HAUS8: variants seen among roughly 807,000 people sequenced by gnomAD.
HAUS8 encodes the protein HAUS augmin-like complex subunit 8.
In HAUS8, 38 loss-of-function variants were observed where a neutral mutation model predicts 42.9. That is an observed-to-expected ratio of 0.89 (90% CI 0.68 to 1.16). The LOEUF is 1.16. HAUS8 is among the 50% of genes most tolerant of loss of function. The pLI is 0.00. For missense variants in HAUS8, 494 were observed against 511.6 expected (o/e 0.97, Z 0.33); for synonymous variants, 199 against 205.8 (o/e 0.97, Z 0.28).
chr19:17,066,708 G>A (rs997111391), intron 3 of HAUS8, among the ~76,000 whole-genome samples: 10 of 152,132 alleles, frequency 6.6e-5, no homozygotes, highest in African/African-American at 2.4e-4. Context: ...GGGAGAATAG[G>A]AAACACAGTT....
At chr19:17,068,090 TATTTTA>T (rs1264958818) in intron 3 of HAUS8, among the ~76,000 whole-genome samples, 1 of 150,942 alleles carries the variant, frequency 6.6e-6, no homozygotes. Context: ...CCTGTTTTTT[TATTTTA>T]TTCTTTTTTT....
Position 17,055,846 on chromosome 19 carries a change from C to T in HAUS8, c.787+15G>A, listed in dbSNP as rs564132584. 49 of 1,610,326 alleles carry T rather than the reference C, an allele frequency of 3.0e-5. No homozygotes were observed. Among genetic ancestry groups the T allele is most frequent in the East Asian group, 1.6e-4 (7 of 44,794 alleles). ...CCCGCCTGCTGCACACGCACTGGGA[C>T]GCCCCGTTTCCTACCTAAGAGCTGC... On this transcript the variant is annotated intron_variant, in intron 9 of 10. Coordinates refer to ENST00000253669, the MANE Select transcript of HAUS8 (RefSeq NM_033417.2).
In HAUS8 at chr19:17,075,429, G is replaced by T; in HGVS notation, c.-7C>A. 1 of 1,613,628 alleles carries T rather than the reference G, an allele frequency of 6.2e-7. No homozygotes were observed. On this transcript the variant is annotated 5_prime_UTR_variant, in exon 1 of 11. Transcript: ENST00000253669. Reference sequence around the variant, plus strand: ...GCCCCGAGGAATCCGCCATTTTCCCGCCTTCCACCTCAAGGCCCGACCCGC... The same window carrying T: ...GCCCCGAGGAATCCGCCATTTTCCCTCCTTCCACCTCAAGGCCCGACCCGC...
intron 2 of HAUS8, among the ~76,000 whole-genome samples, chr19:17,073,042 A>G (rs1324868712): frequency 1.3e-5 from 2 of 151,682 alleles, no homozygotes; most frequent in Non-Finnish European, 2.9e-5. Flanking sequence ...TCCCGGACAC[A>G]GCCCATGACC....
intron 4 of HAUS8, among the ~76,000 whole-genome samples, chr19:17,061,031 T>C (rs1311752336): frequency 7.2e-5 from 11 of 152,180 alleles, no homozygotes; most frequent in Non-Finnish European, 1.5e-4. Context: ...CGATTTGTGT[T>C]GAAATTCTTA....
rs1019832106 is a variant in HAUS8 at position 17,065,649 on chromosome 19, G to T, written c.148-2870C>A. Among the ~76,000 whole-genome samples, 6 of 151,950 alleles carry T rather than the reference G, an allele frequency of 3.9e-5. No individual in the cohort carries two copies. In the East Asian group the frequency reaches 1.2e-3, roughly 29 times the overall value. On this transcript the variant is annotated intron_variant, in intron 3 of 10. Transcript: ENST00000253669. ...TCGAGACCAGCCTGACCAACATGGA[G>T]AAACCCCGTCTCTACTAAAAATACA...
At chr19:17,055,068 G>A (rs2057311272) in intron 9 of HAUS8, 1 of 124,016 alleles carries the variant, frequency 8.1e-6, no homozygotes, top group Admixed American at 9.2e-5. Flanking sequence ...TTGAACTCAA[G>A]AGTTCAAGTC....
chr19:17,052,008 T>C lies in HAUS8; in HGVS notation c.929+817A>G, dbSNP rs189069222. 4 of 151,996 alleles carry C rather than the reference T, an allele frequency of 2.6e-5. No individual in the cohort carries two copies. The East Asian group carries it at 7.8e-4, about 30-fold the overall frequency. The allele number at this position is 151,996 out of a possible 1,614,324, so 9.4% of individuals were successfully genotyped here. A position where few individuals can be genotyped will look rare whatever the true frequency, so the allele number is the denominator to read the frequency against. On this transcript the variant is annotated intron_variant, in intron 10 of 10. Transcript: ENST00000253669. ...ATACAAAATTAGCCGGGCGTGGTGGTGTGCACCTGTAATCCCAGTTAGTTC... is the reference window on the plus strand; with the variant it reads ...ATACAAAATTAGCCGGGCGTGGTGGCGTGCACCTGTAATCCCAGTTAGTTC...
At chr19:17,052,748 C>A in intron 10 of HAUS8, 77 bp downstream of exon 10, 1 of 1,523,152 alleles carries the variant, frequency 6.6e-7, no homozygotes, top group South Asian at 1.2e-5. Context: ...GAACTCGGCA[C>A]CACCCCAACA....
intron 8 of HAUS8, among the ~76,000 whole-genome samples, chr19:17,057,997 C>T (rs1053589720): frequency 6.6e-6 from 1 of 152,222 alleles, no homozygotes; most frequent in African/African-American, 2.4e-5. Context: ...GGCCAACCAC[C>T]AACACCTCAA....
intron 10 of HAUS8, 154 bp downstream of exon 10, chr19:17,052,671 G>GT: frequency 1.3e-6 from 1 of 750,552 alleles, no homozygotes; most frequent in Non-Finnish European, 2.2e-6. Context: ...GGCCATTCTT[G>GT]TATCATGCAG....
intron 3 of HAUS8, among the ~76,000 whole-genome samples, chr19:17,065,570 C>T (rs529802630): frequency 2.4e-4 from 37 of 152,272 alleles, no homozygotes; most frequent in Admixed American, 8.5e-4. Context: ...TGGCTCATGC[C>T]TGTAATCCCA....
intron 9 of HAUS8, among the ~76,000 whole-genome samples, chr19:17,054,142 C>T (rs552697572): frequency 5.8e-4 from 88 of 152,226 alleles, no homozygotes; most frequent in African/African-American, 1.9e-3. Context: ...ATCCCATCAA[C>T]GCCTTGATTT....
At chr19:17,053,109 G>A (rs1425903016) in intron 9 of HAUS8, 143 bp from the exon 10 acceptor site, 1 of 903,756 alleles carries the variant, frequency 1.1e-6, no homozygotes, top group Admixed American at 2.4e-5. Context: ...AGAAGCAGAA[G>A]CCAAGGAAGA....
intron 9 of HAUS8, chr19:17,053,664 CTTTTT>C (rs34414452): frequency 1.5e-5 from 2 of 135,904 alleles, no homozygotes; most frequent in Non-Finnish European, 1.6e-5. Context: ...TTCTTTTTTT[CTTTTT>C]TTTTTTTTTT....
chr19:17,055,430 G>A (rs183803198), intron 9 of HAUS8, among the ~76,000 whole-genome samples: 30 of 150,664 alleles, frequency 2.0e-4, no homozygotes, highest in African/African-American at 7.1e-4. Flanking sequence ...AGAATTTAAG[G>A]TGCAACGCGG....
chr19:17,064,719 C>G (rs1181330512), intron 3 of HAUS8, among the ~76,000 whole-genome samples: 1 of 152,192 alleles, frequency 6.6e-6, no homozygotes, highest in Non-Finnish European at 1.5e-5. Context: ...AAAACTAACT[C>G]ACAGACTTAA....
At chr19:17,063,282 G>T (rs1390734166) in intron 3 of HAUS8, among the ~76,000 whole-genome samples, 1 of 152,126 alleles carries the variant, frequency 6.6e-6, no homozygotes, top group African/African-American at 2.4e-5. Flanking sequence ...GGATCGCTCG[G>T]GTCCAGGGGT....
chr19:17,060,235 A>C (rs1369944288), intron 4 of HAUS8, 143 bp from the exon 5 acceptor site: 1 of 543,264 alleles, frequency 1.8e-6, no homozygotes, highest in East Asian at 2.9e-5. Flanking sequence ...TAAAAAAAAA[A>C]AAAAAAAAAA....
Sources: allele counts gnomAD v4.1 joint callset (sites outside exome capture counted in the v4.1 genomes callset), GRCh38; gene constraint gnomAD v4.1.1; transcripts MANE v1.5; gene names NCBI Gene and HGNC (gene_info 2026-07-23, HGNC 2026-07-21).